The following PKHD1 variants were observed in gnomAD, a reference collection of about 807,000 sequenced individuals.
PKHD1 encodes fibrocystin.
A neutral mutation model predicts 412.0 loss-of-function variants in PKHD1; 291 were observed. The ratio of observed to expected loss-of-function variants is 0.71; its 90% CI spans 0.64 to 0.78. PKHD1 has a LOEUF of 0.78. Among genes scored for constraint, PKHD1 ranks in the 30% least tolerant of loss-of-function variants. The pLI, the probability that PKHD1 is intolerant of heterozygous loss-of-function variation, is 0.00. For synonymous variants in PKHD1, 1,777 were observed against 1,821.5 expected (o/e 0.98, Z 0.62); for missense variants, 4,825 against 4,950.7 (o/e 0.97, Z 0.76).
At chr6:51,920,028 T>C (rs940064843) in intron 37 of PKHD1, among the ~76,000 whole-genome samples, 1 of 152,266 alleles carries the variant, frequency 6.6e-6, no homozygotes, top group Non-Finnish European at 1.5e-5. Context: ...GATTCTGGGC[T>C]GAGAGGATTG....
chr6:51,938,909 C>A (rs1040233211), intron 36 of PKHD1, among the ~76,000 whole-genome samples: 2 of 151,622 alleles, frequency 1.3e-5, no homozygotes, highest in Non-Finnish European at 3.0e-5. Flanking sequence ...TGGTGCCACA[C>A]TTCAATCTCT....
intron 52 of PKHD1, among the ~76,000 whole-genome samples, chr6:51,804,858 T>C (rs559819188): frequency 6.6e-6 from 1 of 152,262 alleles, no homozygotes; most frequent in South Asian, 2.1e-4. Context: ...AGAATGGCTA[T>C]TATTAAAAAG....
chr6:51,935,734 G>C (rs1174074622), intron 36 of PKHD1, among the ~76,000 whole-genome samples: 1 of 152,182 alleles, frequency 6.6e-6, no homozygotes, highest in Non-Finnish European at 1.5e-5. Context: ...ATATTGGCCT[G>C]CCTGTTAGTT....
Position 51,772,733 on chromosome 6 carries a change from G to C in PKHD1, c.8611C>G (p.Leu2871Val), listed in dbSNP as rs768808208. 6.3e-7 allele frequency: 1 copy of C among 1,597,300 alleles called. No homozygotes were observed. The highest frequency in any genetic ancestry group is 8.6e-7 in the Non-Finnish European group (1 of 1,165,446). ...TTTCCTGAGGCAATATCAGCTCCAAGATGTGTCCAGGAGTTCTTAGGATAA... is the reference window on the plus strand; with the variant it reads ...TTTCCTGAGGCAATATCAGCTCCAACATGTGTCCAGGAGTTCTTAGGATAA... ...SAYPKNSWTH[L>V]GADIASGNER... Residue 2871 changes from leucine (L) to valine (V), a missense_variant, in exon 55 of 67, where the codon CTT (leucine) becomes GTT (valine). By Grantham distance (32) the Leu-to-Val change is conservative (BLOSUM62 1). Transcript: ENST00000371117.
intron 35 of PKHD1, among the ~76,000 whole-genome samples, chr6:52,008,755 A>T (rs1390698323): frequency 1.3e-5 from 2 of 152,166 alleles, no homozygotes; most frequent in East Asian, 3.8e-4. Context: ...GGGAACTATT[A>T]TTGACCCTAC....
intron 45 of PKHD1, 25 bp downstream of exon 45, chr6:51,885,830 AAACAACAACAAT>A: frequency 7.5e-7 from 1 of 1,332,208 alleles, no homozygotes; most frequent in Non-Finnish European, 1.1e-6. Context: ...TTAATTTTAA[AAACAACAACAAT>A]AACAACAACA....
Position 51,741,780 on chromosome 6 carries a change from A to G in PKHD1, c.10156+2605T>C, listed in dbSNP as rs377694835. 2.0e-5 allele frequency among the ~76,000 whole-genome samples: 3 copies of G among 152,296 alleles called. 1 individual carries two copies. In the South Asian group the frequency reaches 6.2e-4, roughly 32 times the overall value. On this transcript the variant is annotated intron_variant, in intron 60 of 66. Coordinates refer to ENST00000371117, the MANE Select transcript of PKHD1 (RefSeq NM_138694.4). Reference sequence around the variant, plus strand: ...CCCCCATTAAACTACTTGGATTCTAAGCCTTGTATCAGGGTCTGCTTCTGG... The same window carrying G: ...CCCCCATTAAACTACTTGGATTCTAGGCCTTGTATCAGGGTCTGCTTCTGG...
intron 11 of PKHD1, among the ~76,000 whole-genome samples, chr6:52,068,045 T>C (rs905916503): frequency 2.0e-5 from 3 of 151,770 alleles, no homozygotes; most frequent in Non-Finnish European, 4.4e-5. Flanking sequence ...CTGGCAGAAA[T>C]TGGTGATTGA....
intron 47 of PKHD1, 128 bp downstream of exon 47, chr6:51,870,376 A>C (rs1472594748): frequency 3.5e-6 from 3 of 855,512 alleles, no homozygotes; most frequent in South Asian, 1.4e-5. Flanking sequence ...AGATTTAAGC[A>C]ACAGTTTCTA....
intron 60 of PKHD1, among the ~76,000 whole-genome samples, chr6:51,672,882 G>GGT (rs2150513323): frequency 6.6e-6 from 1 of 152,342 alleles, no homozygotes; most frequent in African/African-American, 2.4e-5. Context: ...TTAAGTTCAT[G>GGT]ATTTTGAAGT....
chr6:51,895,378 A>G (rs1222623327), intron 43 of PKHD1, among the ~76,000 whole-genome samples: 2 of 152,234 alleles, frequency 1.3e-5, no homozygotes, highest in Non-Finnish European at 2.9e-5. Flanking sequence ...CAATGGCACA[A>G]CTGAAAAACT....
chr6:51,743,257 A>G (rs1289375954), intron 60 of PKHD1, among the ~76,000 whole-genome samples: 1 of 152,130 alleles, frequency 6.6e-6, no homozygotes, highest in Non-Finnish European at 1.5e-5. Context: ...GCTAGTAGTA[A>G]AGGGAATGGT....
intron 60 of PKHD1, among the ~76,000 whole-genome samples, chr6:51,661,735 A>G (rs1772905094): frequency 6.6e-6 from 1 of 152,102 alleles, no homozygotes; most frequent in Non-Finnish European, 1.5e-5. Flanking sequence ...TTATCTTTCA[A>G]TAAAGAATTT....
chr6:51,946,504 C>G (rs1002878190), intron 36 of PKHD1, among the ~76,000 whole-genome samples: 1 of 152,176 alleles, frequency 6.6e-6, no homozygotes, highest in African/African-American at 2.4e-5. Flanking sequence ...AATAAATATA[C>G]AGTGGGCTGC....
intron 35 of PKHD1, among the ~76,000 whole-genome samples, chr6:51,984,182 G>C (rs891501525): frequency 6.6e-6 from 1 of 152,194 alleles, no homozygotes; most frequent in Admixed American, 6.5e-5. Context: ...ATTCTTTATG[G>C]GTAATGCCAT....
chr6:51,919,799 T>C (rs1784408879), intron 37 of PKHD1, among the ~76,000 whole-genome samples: 1 of 152,252 alleles, frequency 6.6e-6, no homozygotes, highest in Non-Finnish European at 1.5e-5. Flanking sequence ...TCCTCTTTGA[T>C]TTCCTTGAGC....
chr6:51,802,093 T>C (rs745681000), intron 52 of PKHD1, among the ~76,000 whole-genome samples: 5 of 152,136 alleles, frequency 3.3e-5, no homozygotes, highest in Non-Finnish European at 5.9e-5. Flanking sequence ...ATCCCAGGCT[T>C]TATTATTATT....
intron 35 of PKHD1, among the ~76,000 whole-genome samples, chr6:51,989,640 T>G (rs1445654313): frequency 1.3e-5 from 2 of 151,996 alleles, no homozygotes; most frequent in Non-Finnish European, 2.9e-5. Flanking sequence ...GTTATTATTT[T>G]TCACTCGAGT....
rs1475333004 is a variant in PKHD1, at chr6:51,617,620, T to G, written c.*1461A>C. 1 of 152,146 alleles carries G rather than the reference T, an allele frequency of 6.6e-6. No individual in the cohort carries two copies. Among genetic ancestry groups the G allele is most frequent in the Non-Finnish European group, 1.5e-5 (1 of 68,044 alleles). The allele number at this position is 152,146 out of a possible 1,614,324, so 9.4% of individuals were successfully genotyped here. A position where few individuals can be genotyped will look rare whatever the true frequency, so the allele number is the denominator to read the frequency against. On this transcript the variant is annotated 3_prime_UTR_variant, in exon 67 of 67. Transcript: ENST00000371117. ...CACAGTGACCACAGAGAAGGCTACCTACCTCCTTTTAGGGACAGCCTGAAG... is the reference window on the plus strand; with the variant it reads ...CACAGTGACCACAGAGAAGGCTACCGACCTCCTTTTAGGGACAGCCTGAAG...
Sources: gnomAD v4.1 joint callset for allele counts (sites outside exome capture counted in the v4.1 genomes callset) on GRCh38, gnomAD v4.1.1 for gene constraint, MANE v1.5 for transcripts, NCBI Gene and HGNC (gene_info 2026-07-23, HGNC 2026-07-21) for gene names.